TERF1: variants seen among roughly 807,000 people sequenced by gnomAD.
The protein encoded by TERF1 is telomeric repeat binding factor 1.
In TERF1, 20 loss-of-function variants were observed where a neutral mutation model predicts 55.1. That is an observed-to-expected ratio of 0.36 (90% CI 0.26 to 0.53). The LOEUF (loss-of-function observed/expected upper bound fraction) is 0.53. Ranked by LOEUF, TERF1 falls within the 20% of genes least tolerant of loss-of-function variation. The probability of loss-of-function intolerance (pLI) is 0.91; values close to 1 mark genes in which losing one functional copy is unlikely to be tolerated. For synonymous variants in TERF1, 168 were observed against 181.2 expected (o/e 0.93, Z 0.59); for missense variants, 439 against 535.7 (o/e 0.82, Z 1.78).
chr8:73,009,199 G>C lies in TERF1; in HGVS notation c.313G>C (p.Ala105Pro). The change falls in exon 1 of 10, where the codon GCA (alanine) becomes CCA (proline). Residue 105 changes from alanine to proline, a missense_variant. Ala to Pro is a conservative substitution (Grantham distance 27). Transcript: ENST00000276603. ...GGACTTCCGCAGGACCCGCAACAGC[G>C]CAGAGGGTGAGTGCAGACCGCGTCC... ...SEDFRRTRNS[A>P]EAIIHGLSSL... 5 of 1,609,986 alleles carry C rather than the reference G, an allele frequency of 3.1e-6. No homozygotes were observed. The highest frequency in any genetic ancestry group is 4.2e-6 in the Non-Finnish European group (5 of 1,179,780).
chr8:73,030,469 A>C, intron 7 of TERF1, 74 bp downstream of exon 7: 1 of 946,098 alleles, frequency 1.1e-6, no homozygotes, highest in Non-Finnish European at 1.5e-6. Flanking sequence ...ACCTAATAAA[A>C]ACTACCACAT....
intron 5 of TERF1, among the ~76,000 whole-genome samples, chr8:73,025,709 AT>A (rs1808953302): frequency 7.6e-6 from 1 of 132,388 alleles, no homozygotes; most frequent in Non-Finnish European, 1.6e-5. Flanking sequence ...GTGAGCTGAG[AT>A]TGCGCCACTG....
At chr8:73,039,247 C>A in intron 9 of TERF1, 28 bp downstream of exon 9, 1 of 1,408,412 alleles carries the variant, frequency 7.1e-7, no homozygotes, top group African/African-American at 1.4e-5. Flanking sequence ...ATTCGAATAA[C>A]GCTTATGGAC....
chr8:73,027,624 C>G, intron 6 of TERF1, among the ~76,000 whole-genome samples: 1 of 152,010 alleles, frequency 6.6e-6, no homozygotes, highest in East Asian at 1.9e-4. Flanking sequence ...AGTATCTTCC[C>G]CTATTGAGAA....
chr8:73,026,918 AC>A, intron 5 of TERF1, 21 bp from the exon 6 acceptor site: 1 of 1,571,830 alleles, frequency 6.4e-7, no homozygotes, highest in Non-Finnish European at 8.7e-7. Context: ...CTATCCTTCT[AC>A]CTCCACGCAC....
At chr8:73,038,516 T>C (rs1436765800) in intron 8 of TERF1, among the ~76,000 whole-genome samples, 1 of 152,080 alleles carries the variant, frequency 6.6e-6, no homozygotes, top group Non-Finnish European at 1.5e-5. Flanking sequence ...TTGTAAATAG[T>C]ATCTTTATAT....
At chr8:73,038,971 C>G in intron 8 of TERF1, 145 bp from the exon 9 acceptor site, 1 of 736,854 alleles carries the variant, frequency 1.4e-6, no homozygotes, top group Non-Finnish European at 2.1e-6. Context: ...TACCATACTG[C>G]TTCCAGATTT....
chr8:73,037,851 AATATATAAATATGATATATAAT>A (rs1422278942), intron 8 of TERF1, among the ~76,000 whole-genome samples: 1,048 of 102,942 alleles, frequency 0.01, 11 homozygotes, highest in Admixed American at 0.017. Context: ...TATAATATAT[AATATATAAATATGATATATAAT>A]ATATATAAAT....
chr8:73,015,564 G>A (rs377108490), intron 2 of TERF1, among the ~76,000 whole-genome samples: 8 of 151,960 alleles, frequency 5.3e-5, no homozygotes, highest in Non-Finnish European at 7.4e-5. Context: ...TTGGCTGGGC[G>A]TGGTGATTCA....
intron 1 of TERF1, 26 bp from the exon 2 acceptor site, chr8:73,013,869 T>C (rs752073853): frequency 5.9e-6 from 9 of 1,516,478 alleles, no homozygotes; most frequent in Admixed American, 3.5e-5. Flanking sequence ...TTGATTTTAA[T>C]AAAATTTACT....
chr8:73,040,332 T>C (rs1586068702), intron 9 of TERF1, among the ~76,000 whole-genome samples: 1 of 152,208 alleles, frequency 6.6e-6, no homozygotes, highest in East Asian at 1.9e-4. Flanking sequence ...CTGAGATCTG[T>C]AGACAGAGTT....
chr8:73,022,427 A>G (rs1362455859), intron 4 of TERF1, 125 bp downstream of exon 4: 1 of 502,346 alleles, frequency 2.0e-6, no homozygotes, highest in Non-Finnish European at 3.3e-6. Flanking sequence ...ATACCGTGCA[A>G]CAGAAAAACT....
intron 1 of TERF1, among the ~76,000 whole-genome samples, chr8:73,013,278 A>C (rs1428213558): frequency 6.6e-6 from 1 of 152,208 alleles, no homozygotes; most frequent in African/African-American, 2.4e-5. Context: ...ACTTAAACAC[A>C]CAGATTTCTT....
At chr8:73,031,777 T>G (rs991977488) in intron 7 of TERF1, 6 of 267,464 alleles carry the variant, frequency 2.2e-5, no homozygotes, top group Admixed American at 5.3e-5. Flanking sequence ...GTCTTGTCTT[T>G]TCTTTTTTTT....
chr8:73,031,497 T>C (rs1809282112), intron 7 of TERF1: 1 of 152,202 alleles, frequency 6.6e-6, no homozygotes, highest in Non-Finnish European at 1.5e-5. Flanking sequence ...TTTTGAATCT[T>C]AGTTTGCTCC....
At chr8:73,036,435 A>AT (rs1264856867) in intron 8 of TERF1, among the ~76,000 whole-genome samples, 7 of 152,158 alleles carry the variant, frequency 4.6e-5, no homozygotes, top group African/African-American at 4.8e-5. Flanking sequence ...CCCTGTTGAG[A>AT]TTTTTATGTG....
At chr8:73,034,473 C>G (rs571662712) in intron 8 of TERF1, among the ~76,000 whole-genome samples, 1 of 152,040 alleles carries the variant, frequency 6.6e-6, no homozygotes, top group African/African-American at 2.4e-5. Flanking sequence ...GCATGTTGCC[C>G]CTGCAGGTCT....
At chr8:73,037,844 A>ATTATATATAATATATAGTATAATAAT (rs1311671458) in intron 8 of TERF1, among the ~76,000 whole-genome samples, 1 of 94,866 alleles carries the variant, frequency 1.1e-5, no homozygotes, top group African/African-American at 4.3e-5. Context: ...TAATATATAT[A>ATTATATATAATATATAGTATAATAAT]ATATATAATA....
intron 8 of TERF1, among the ~76,000 whole-genome samples, chr8:73,032,635 A>G (rs973626411): frequency 3.3e-5 from 5 of 152,054 alleles, no homozygotes; most frequent in Admixed American, 2.0e-4. Context: ...TCACATAAGG[A>G]CAAAATCACC....
Sources: allele counts gnomAD v4.1 joint callset (sites outside exome capture counted in the v4.1 genomes callset), GRCh38; gene constraint gnomAD v4.1.1; transcripts MANE v1.5; gene names NCBI Gene and HGNC (gene_info 2026-07-23, HGNC 2026-07-21).